GDA: variants seen among roughly 807,000 people sequenced by gnomAD.
The protein encoded by GDA is cytoplasmic PSD-95 interactor.
Under a neutral mutation model 59.6 loss-of-function variants are expected in GDA, and 18 were observed. That is an observed-to-expected ratio of 0.30 (90% CI 0.21 to 0.45). GDA has a LOEUF of 0.45. GDA is among the 20% of genes least tolerant of loss of function. The pLI is 1.00. For synonymous variants in GDA, 201 were observed against 201.1 expected (o/e 1.00, Z 0.00); for missense variants, 427 against 552.3 (o/e 0.77, Z 2.27).
Position 72,180,138 on chromosome 9 carries a change from C to T in GDA, c.124-15362C>T, listed in dbSNP as rs187952781. 1.7e-3 allele frequency among the ~76,000 whole-genome samples: 258 copies of T among 152,230 alleles called. 1 individual carries two copies. The highest frequency in any genetic ancestry group is 1.3e-3 in the Non-Finnish European group (89 of 68,008). Reference sequence around the variant, plus strand: ...CTTTGGGAGGCCAAGAGGAGCGGATCATGAGGTCAGGAGTTTGAGACCAGC... The same window carrying T: ...CTTTGGGAGGCCAAGAGGAGCGGATTATGAGGTCAGGAGTTTGAGACCAGC... On this transcript the variant is annotated intron_variant, in intron 1 of 13. Transcript: ENST00000358399.
intron 1 of GDA, among the ~76,000 whole-genome samples, chr9:72,182,540 C>T (rs548675458): frequency 6.6e-5 from 10 of 152,276 alleles, no homozygotes; most frequent in South Asian, 2.1e-4. Flanking sequence ...GGAATTGTCC[C>T]GTTATTGGTG....
Position 72,149,683 on chromosome 9 carries a change from G to A in GDA, c.123+1G>A, listed in dbSNP as rs1826902705. 1.9e-6 allele frequency: 3 copies of A among 1,598,108 alleles called. No individual in the cohort carries two copies. The highest frequency in any genetic ancestry group is 2.6e-6 in the Non-Finnish European group (3 of 1,173,698). ...CCTCGGCGTGAGCGACAGCGGCAAAGTAAGCAGGCGCGGGGTCGAGCGCAC... is the reference window on the plus strand; with the variant it reads ...CCTCGGCGTGAGCGACAGCGGCAAAATAAGCAGGCGCGGGGTCGAGCGCAC... On this transcript the variant is annotated splice_donor_variant, in intron 1 of 13. Transcript: ENST00000358399. LOFTEE classifies it high-confidence loss of function.
intron 1 of GDA, among the ~76,000 whole-genome samples, chr9:72,118,356 C>A (rs896940275): frequency 3.3e-5 from 5 of 149,660 alleles, no homozygotes. Context: ...TTCTTTAGAA[C>A]CACTAAATAC....
At chr9:72,163,325 G>C (rs911836198) in intron 1 of GDA, among the ~76,000 whole-genome samples, 2 of 152,058 alleles carry the variant, frequency 1.3e-5, no homozygotes, top group African/African-American at 2.4e-5. Flanking sequence ...AATTTGGGGG[G>C]CATGCACACA....
chr9:72,149,843 A>G (rs1564162256), intron 1 of GDA, among the ~76,000 whole-genome samples, 161 bp downstream of exon 1: 1 of 152,182 alleles, frequency 6.6e-6, no homozygotes, highest in Non-Finnish European at 1.5e-5. Context: ...CGCAGAGAGA[A>G]CCCTGGCGCT....
intron 6 of GDA, among the ~76,000 whole-genome samples, chr9:72,221,429 G>A (rs1201628705): frequency 6.6e-6 from 1 of 152,124 alleles, no homozygotes; most frequent in African/African-American, 2.4e-5. Flanking sequence ...CTGTTTTCAT[G>A]AAACCCCGTA....
At chr9:72,118,495 G>C (rs4287003) in intron 1 of GDA, among the ~76,000 whole-genome samples, 17,893 of 152,006 alleles carry the variant, frequency 0.12, 2,167 homozygotes, top group African/African-American at 0.31. Context: ...TCACGATATT[G>C]ATTATTTCAA....
At chr9:72,120,546 A>G (rs911563595) in intron 1 of GDA, among the ~76,000 whole-genome samples, 2 of 152,178 alleles carry the variant, frequency 1.3e-5, no homozygotes, top group Non-Finnish European at 2.9e-5. Context: ...GTGACAATGA[A>G]ATCAGGAGTC....
In GDA at chr9:72,149,464, G is replaced by T; in HGVS notation, c.-96G>T. On this transcript the variant is annotated 5_prime_UTR_variant, in exon 1 of 14. Coordinates refer to ENST00000358399, the MANE Select transcript of GDA (RefSeq NM_004293.5). ...CAGGACAAGGCCGGAGCCTGTGTCCGCCCGGCAGCCGCCCGCAGCTGCAGA... is the reference window on the plus strand; with the variant it reads ...CAGGACAAGGCCGGAGCCTGTGTCCTCCCGGCAGCCGCCCGCAGCTGCAGA... 6.9e-7 allele frequency: 1 copy of T among 1,455,568 alleles called. No homozygotes were observed. Among genetic ancestry groups the T allele is most frequent in the Non-Finnish European group, 9.3e-7 (1 of 1,080,718 alleles). The allele number at this position is 1,455,568 out of a possible 1,614,324, so 90.2% of individuals were successfully genotyped here. A position where few individuals can be genotyped will look rare whatever the true frequency, so the allele number is the denominator to read the frequency against.
At chr9:72,237,335 A>G (rs534446900) in intron 10 of GDA, among the ~76,000 whole-genome samples, 2 of 152,266 alleles carry the variant, frequency 1.3e-5, no homozygotes, top group East Asian at 1.9e-4. Flanking sequence ...TCCTCATCCA[A>G]TGGGACTTGT....
intron 1 of GDA, among the ~76,000 whole-genome samples, chr9:72,157,406 A>G (rs937125307): frequency 1.3e-5 from 2 of 152,150 alleles, no homozygotes; most frequent in Non-Finnish European, 2.9e-5. Context: ...GGTACTGTTC[A>G]TTGCAGCCCA....
At position 72,251,280 on chromosome 9, in the gene GDA, G is replaced by A. The variant is rs868734257; in HGVS notation, c.*2938G>A. 1 of 157,304 alleles carries A rather than the reference G, an allele frequency of 6.4e-6. No individual in the cohort carries two copies. Among genetic ancestry groups the A allele is most frequent in the South Asian group, 1.9e-4 (1 of 5,200 alleles). The allele number at this position is 157,304 out of a possible 1,614,324, so 9.7% of individuals were successfully genotyped here. A position where few individuals can be genotyped will look rare whatever the true frequency, so the allele number is the denominator to read the frequency against. On this transcript the variant is annotated 3_prime_UTR_variant, in exon 14 of 14. Coordinates refer to ENST00000358399, the MANE Select transcript of GDA (RefSeq NM_004293.5). ...CAACTGCAGCTGAGATCTTAGAGAG[G>A]AAATATAACCGGTGTGAGATCTAGC...
chr9:72,250,219 G>T lies in GDA; in HGVS notation c.*1877G>T, dbSNP rs929750642. 1 of 986,904 alleles carries T rather than the reference G, an allele frequency of 1.0e-6. No homozygotes were observed. 61.1% of individuals were successfully genotyped at this position (986,904 alleles called of 1,614,324 possible). ...GTGTCTAACCAAATGAGCAGGCTTA[G>T]GAATTTAGATGAGATGTGTAAGATT... On this transcript the variant is annotated 3_prime_UTR_variant, in exon 14 of 14. Transcript: ENST00000358399.
At chr9:72,214,405 T>C (rs1481319910) in intron 5 of GDA, among the ~76,000 whole-genome samples, 1 of 151,866 alleles carries the variant, frequency 6.6e-6, no homozygotes, top group African/African-American at 2.4e-5. Flanking sequence ...AAGCGATTCT[T>C]CCACCTCAGC....
At chr9:72,136,929 T>G (rs1299412847) in intron 1 of GDA, among the ~76,000 whole-genome samples, 1 of 152,022 alleles carries the variant, frequency 6.6e-6, no homozygotes, top group Non-Finnish European at 1.5e-5. Flanking sequence ...GAGTGGAGAT[T>G]GCGCCATTGC....
At chr9:72,180,891 C>T (rs192399589) in intron 1 of GDA, among the ~76,000 whole-genome samples, 1 of 152,176 alleles carries the variant, frequency 6.6e-6, no homozygotes, top group African/African-American at 2.4e-5. Flanking sequence ...CTGATTATGA[C>T]CTTGTTTTAG....
intron 3 of GDA, among the ~76,000 whole-genome samples, chr9:72,209,877 A>T (rs1395442589): frequency 1.3e-5 from 2 of 152,136 alleles, no homozygotes. Context: ...TACACGTGGT[A>T]TTCTGGGGAA....
chr9:72,188,653 C>A (rs891020763), intron 1 of GDA, among the ~76,000 whole-genome samples: 10 of 152,206 alleles, frequency 6.6e-5, no homozygotes, highest in African/African-American at 2.4e-4. Context: ...CCAACTATGG[C>A]AATACTGCAC....
rs1387610381 is a variant in GDA at position 72,250,734 on chromosome 9, T to A, written c.*2392T>A. The A allele has an allele frequency of 1.2e-6, 2 of 1,612,198 alleles. No individual in the cohort carries two copies. The highest frequency in any genetic ancestry group is 3.3e-5 in the Admixed American group (2 of 59,984). On this transcript the variant is annotated 3_prime_UTR_variant, in exon 14 of 14. Coordinates refer to ENST00000358399, the MANE Select transcript of GDA (RefSeq NM_004293.5). ...TTATTTGTCACTTTTTGTTTTAATA[T>A]CTTGCTCTCTGACAGGAAAGAAACA... is the stretch of plus-strand genomic sequence containing the variant.
Sources: allele counts gnomAD v4.1 joint callset (sites outside exome capture counted in the v4.1 genomes callset), GRCh38; gene constraint gnomAD v4.1.1; transcripts MANE v1.5; gene names NCBI Gene and HGNC (gene_info 2026-07-23, HGNC 2026-07-21).